Variants in DOCK2 observed in about 807,000 individuals in gnomAD.
DOCK2 encodes the protein dedicator of cytokinesis 2.
DOCK2 carries 87 observed loss-of-function variants against 248.9 expected under a neutral mutation model. The observed-to-expected ratio is 0.35, with a 90% confidence interval of 0.29 to 0.42. The LOEUF is 0.42. Among genes scored for constraint, DOCK2 ranks in the 10% least tolerant of loss-of-function variants. The pLI is 1.00. For synonymous variants in DOCK2, 805 were observed against 821.6 expected, an observed-to-expected ratio of 0.98 and a Z score of 0.35; for missense variants, 1,747 against 2,300.2, an observed-to-expected ratio of 0.76 and a Z score of 4.92.
chr5:169,703,262 G>C (rs567787741), intron 14 of DOCK2, among the ~76,000 whole-genome samples: 1 of 152,156 alleles, frequency 6.6e-6, no homozygotes, highest in Non-Finnish European at 1.5e-5. Flanking sequence ...GATGGAAGAG[G>C]CATCATTTTT....
chr5:169,780,355 A>G (rs992792605), intron 25 of DOCK2, among the ~76,000 whole-genome samples: 10 of 150,942 alleles, frequency 6.6e-5, no homozygotes, highest in African/African-American at 2.5e-4. Flanking sequence ...TCGTTCTAAC[A>G]CACCTTCCAA....
chr5:169,709,529 T>A (rs1435694544), intron 15 of DOCK2, among the ~76,000 whole-genome samples: 1 of 152,124 alleles, frequency 6.6e-6, no homozygotes, highest in Non-Finnish European at 1.5e-5. Context: ...GGTGAAACTC[T>A]GTCTCTACTA....
At chr5:169,824,252 A>T (rs533625274) in intron 26 of DOCK2, among the ~76,000 whole-genome samples, 2 of 152,364 alleles carry the variant, frequency 1.3e-5, no homozygotes, top group South Asian at 2.1e-4. Context: ...GACTTTCTTC[A>T]CAGAATTGGA....
intron 27 of DOCK2, among the ~76,000 whole-genome samples, chr5:169,905,293 G>GTTT (rs35677067): frequency 4.8e-5 from 7 of 146,202 alleles, no homozygotes; most frequent in South Asian, 4.3e-4. Context: ...TAGAGCCAGT[G>GTTT]TTTTTTTTTT....
At chr5:169,985,104 C>T (rs899649685) in intron 28 of DOCK2, among the ~76,000 whole-genome samples, 5 of 151,950 alleles carry the variant, frequency 3.3e-5, no homozygotes, top group Non-Finnish European at 7.4e-5. Flanking sequence ...TAGTAGAGAC[C>T]ATGTTGGCCA....
chr5:169,736,336 G>A (rs1005605306), intron 22 of DOCK2, among the ~76,000 whole-genome samples: 2 of 152,298 alleles, frequency 1.3e-5, no homozygotes, highest in Non-Finnish European at 1.5e-5. Context: ...CTGAAATGCA[G>A]CCCTGGATTT....
At chr5:169,700,230 C>G in intron 13 of DOCK2, 91 bp downstream of exon 13, 1 of 1,493,392 alleles carries the variant, frequency 6.7e-7, no homozygotes, top group Non-Finnish European at 9.0e-7. Flanking sequence ...TCAACTCCTT[C>G]CTTTTTTACT....
chr5:169,802,410 G>A lies in DOCK2; in HGVS notation c.2555-648G>A, dbSNP rs374137499. On this transcript the variant is annotated intron_variant, in intron 25 of 51. Transcript: ENST00000520908. ...AAGCAATGTGCAGAAGGATGCAAGT[G>A]GAAGGTTGTTCATTTTGTACTGTCT... 3.9e-5 allele frequency among the ~76,000 whole-genome samples: 6 copies of A among 152,194 alleles called. No homozygotes were observed. The South Asian group carries it at 1.2e-3, about 32-fold the overall frequency.
intron 44 of DOCK2, among the ~76,000 whole-genome samples, chr5:170,060,309 G>A (rs1043502213): frequency 5.9e-5 from 9 of 152,150 alleles, no homozygotes; most frequent in Admixed American, 5.9e-4. Flanking sequence ...CTGTAAATAG[G>A]AATTGCAAAA....
At chr5:170,054,551 A>C (rs1226278894) in intron 41 of DOCK2, among the ~76,000 whole-genome samples, 2 of 152,244 alleles carry the variant, frequency 1.3e-5, no homozygotes, top group Admixed American at 6.5e-5. Context: ...CCACTGTCTG[A>C]ACACAGCTCC....
At position 169,764,846 on chromosome 5, in the gene DOCK2, T is replaced by G. The variant is rs947195781; in HGVS notation, c.2554+3221T>G. Among the ~76,000 whole-genome samples the G allele has an allele frequency of 6.9e-6, 1 of 145,754 alleles. No homozygotes were observed. Among genetic ancestry groups the G allele is most frequent in the African/African-American group, 2.7e-5 (1 of 36,536 alleles). On this transcript the variant is annotated intron_variant, in intron 25 of 51. Coordinates refer to ENST00000520908, the MANE Select transcript of DOCK2 (RefSeq NM_004946.3). This position sits in a 1 kb window ranked among gnomAD's most constrained non-coding sequence, Gnocchi z 4.3. ...TCTCCATTCTGACTTTGAACGTGTT[T>G]GTTGTTGTTGTTGTTGTTGTTGTTG...
intron 26 of DOCK2, 125 bp from the exon 27 acceptor site, chr5:169,840,628 AGTAG>A: frequency 1.7e-5 from 11 of 637,354 alleles, no homozygotes; most frequent in Non-Finnish European, 2.5e-5. Context: ...TGATGATGGC[AGTAG>A]TGGTGGTGGT....
chr5:170,014,730 C>T (rs1755448045), intron 32 of DOCK2, among the ~76,000 whole-genome samples: 2 of 151,764 alleles, frequency 1.3e-5, no homozygotes, highest in Admixed American at 1.3e-4. Context: ...AGCAGTGTGC[C>T]CTGGAGGAGT....
At chr5:169,761,286 T>C (rs1366589285) in intron 24 of DOCK2, 1 of 455,718 alleles carries the variant, frequency 2.2e-6, no homozygotes, top group Non-Finnish European at 4.0e-6. Context: ...TGGTACACGG[T>C]AACTGCTCAG....
In DOCK2 at chr5:169,936,742, A is replaced by T. The variant is rs1581443303; in HGVS notation, c.2800-46326A>T. On this transcript the variant is annotated intron_variant, in intron 27 of 51. Transcript: ENST00000520908. ...TATAGATTTGGTGCACCAACACTGCACTGTCCTCATGAATAATCTCTGATC... is the reference window on the plus strand; with the variant it reads ...TATAGATTTGGTGCACCAACACTGCTCTGTCCTCATGAATAATCTCTGATC... Among the ~76,000 whole-genome samples, 3 of 152,066 alleles carry T rather than the reference A, an allele frequency of 2.0e-5. No homozygotes were observed. The East Asian group carries it at 5.8e-4, about 29-fold the overall frequency.
chr5:169,660,197 T>C (rs1453315171), intron 2 of DOCK2, among the ~76,000 whole-genome samples: 4 of 152,150 alleles, frequency 2.6e-5, no homozygotes, highest in African/African-American at 9.7e-5. Flanking sequence ...AACTGTATCA[T>C]GCCCTCCTAA....
At chr5:170,059,238 A>G (rs1171289729) in intron 44 of DOCK2, among the ~76,000 whole-genome samples, 1 of 141,630 alleles carries the variant, frequency 7.1e-6, no homozygotes, top group African/African-American at 2.7e-5. Flanking sequence ...CCCTTGCTTC[A>G]TGGCACATAA....
At chr5:169,830,558 T>C (rs1318120949) in intron 26 of DOCK2, among the ~76,000 whole-genome samples, 2 of 152,184 alleles carry the variant, frequency 1.3e-5, no homozygotes, top group African/African-American at 4.8e-5. Flanking sequence ...GAGGCACATC[T>C]TCATAAGTGT....
intron 26 of DOCK2, among the ~76,000 whole-genome samples, chr5:169,826,819 C>G (rs1053151887): frequency 1.3e-5 from 2 of 152,136 alleles, no homozygotes; most frequent in African/African-American, 4.8e-5. Flanking sequence ...CTCAGGACAC[C>G]GTCTCACATT....
Sources: gnomAD v4.1 joint callset for allele counts (sites outside exome capture counted in the v4.1 genomes callset) on GRCh38, gnomAD v4.1.1 for gene constraint, Gnocchi (gnomAD v3.1) non-coding constraint, MANE v1.5 for transcripts, NCBI Gene and HGNC (gene_info 2026-07-23, HGNC 2026-07-21) for gene names.